VIT: variants seen among roughly 807,000 people sequenced by gnomAD.
VIT encodes the protein vitrin.
A neutral mutation model predicts 78.0 loss-of-function variants in VIT; 99 were observed. That is an observed-to-expected ratio of 1.27 (90% CI 1.08 to 1.50). VIT has a LOEUF of 1.50. Among genes scored for constraint, VIT ranks in the 40% most tolerant of loss-of-function variants. The pLI is 0.00. For synonymous variants in VIT, 374 were observed against 334.3 expected (o/e 1.12, Z -1.29); for missense variants, 1,126 against 875.3 (o/e 1.29, Z -3.61).
At chr2:36,777,527 T>C (rs1282269227) in intron 9 of VIT, among the ~76,000 whole-genome samples, 4 of 152,124 alleles carry the variant, frequency 2.6e-5, no homozygotes, top group South Asian at 4.2e-4. Flanking sequence ...TCTCTAGTCC[T>C]CAATACTCTG....
At chr2:36,783,452 G>T (rs1395000264) in intron 11 of VIT, 50 bp downstream of exon 11, 13 of 1,581,594 alleles carry the variant, frequency 8.2e-6, no homozygotes, top group Admixed American at 6.7e-5. Context: ...CATCTGAACT[G>T]CTCTCTCCTC....
intron 3 of VIT, among the ~76,000 whole-genome samples, chr2:36,735,970 A>T (rs1336533863): frequency 6.6e-6 from 1 of 152,252 alleles, no homozygotes; most frequent in African/African-American, 2.4e-5. Flanking sequence ...GAAGAAACGT[A>T]AGTTAATGAC....
intron 2 of VIT, among the ~76,000 whole-genome samples, chr2:36,728,216 C>G (rs1043810174): frequency 1.3e-5 from 2 of 152,138 alleles, no homozygotes; most frequent in African/African-American, 4.8e-5. Flanking sequence ...CAGGCGTGAG[C>G]CACCACGTCC....
intron 12 of VIT, among the ~76,000 whole-genome samples, chr2:36,799,198 T>C (rs1666133386): frequency 6.6e-6 from 1 of 152,180 alleles, no homozygotes; most frequent in South Asian, 2.1e-4. Flanking sequence ...AGAGAGCAGT[T>C]TGGAAAACAG....
chr2:36,697,567 G>A (rs1664757043), intron 1 of VIT, among the ~76,000 whole-genome samples: 1 of 152,142 alleles, frequency 6.6e-6, no homozygotes, highest in Non-Finnish European at 1.5e-5. Context: ...GCCCAACAAG[G>A]GGCTGGCATT....
At chr2:36,747,275 GGTT>G (rs1161736450) in intron 4 of VIT, among the ~76,000 whole-genome samples, 1 of 152,110 alleles carries the variant, frequency 6.6e-6, no homozygotes, top group Non-Finnish European at 1.5e-5. Flanking sequence ...GTGTATCTGT[GGTT>G]GTTTGGTGGA....
chr2:36,790,803 A>G (rs1330035665), intron 12 of VIT, among the ~76,000 whole-genome samples: 1 of 152,244 alleles, frequency 6.6e-6, no homozygotes, highest in Admixed American at 6.5e-5. Flanking sequence ...ACAAAAGGCC[A>G]AGGATCAAGC....
chr2:36,745,516 G>A (rs1026795534), intron 4 of VIT, among the ~76,000 whole-genome samples: 36 of 151,576 alleles, frequency 2.4e-4, no homozygotes, highest in African/African-American at 7.5e-4. Flanking sequence ...TCTCCTTGTG[G>A]AGATCTTTCA....
intron 1 of VIT, among the ~76,000 whole-genome samples, chr2:36,704,682 C>T (rs1309336337): frequency 6.6e-6 from 1 of 152,126 alleles, no homozygotes; most frequent in African/African-American, 2.4e-5. Context: ...CCACAGACAC[C>T]ATCCTCCACA....
At chr2:36,708,571 G>A (rs781643295) in intron 1 of VIT, among the ~76,000 whole-genome samples, 1 of 152,094 alleles carries the variant, frequency 6.6e-6, no homozygotes, top group Non-Finnish European at 1.5e-5. Context: ...CATTCTTTAG[G>A]CATGACATTC....
intron 15 of VIT, among the ~76,000 whole-genome samples, chr2:36,811,495 C>T (rs1264280147): frequency 6.6e-6 from 1 of 152,150 alleles, no homozygotes. Context: ...GAGGCAGATT[C>T]TTACTCAGCT....
intron 6 of VIT, among the ~76,000 whole-genome samples, chr2:36,763,585 T>C (rs913769969): frequency 0.2 from 257 of 1,310 alleles, 1 homozygote; most frequent in Middle Eastern, 0.5. Context: ...TATCTTCCCT[T>C]TTTTTTTTTT....
intron 1 of VIT, among the ~76,000 whole-genome samples, chr2:36,700,912 T>A (rs1053721383): frequency 1.3e-5 from 2 of 152,058 alleles, no homozygotes; most frequent in Non-Finnish European, 2.9e-5. Flanking sequence ...CACTGATAAG[T>A]TGTGTAAGTT....
chr2:36,734,436 T>C (rs1378214297), intron 3 of VIT, among the ~76,000 whole-genome samples: 1 of 152,156 alleles, frequency 6.6e-6, no homozygotes, highest in Non-Finnish European at 1.5e-5. Flanking sequence ...TCCTAGACTC[T>C]TGAGGATCTA....
At chr2:36,699,601 GAT>G (rs748268718) in intron 1 of VIT, among the ~76,000 whole-genome samples, 55 of 142,654 alleles carry the variant, frequency 3.9e-4, no homozygotes, top group African/African-American at 1.1e-3. Context: ...TATAGATATA[GAT>G]ATAGATATAG....
At chr2:36,776,186 G>C (rs10194760) in intron 9 of VIT, among the ~76,000 whole-genome samples, 1,879 of 152,280 alleles carry the variant, frequency 0.012, 34 homozygotes, top group African/African-American at 0.043. Context: ...CAGAACTTCA[G>C]CTCCTCATTA....
intron 1 of VIT, among the ~76,000 whole-genome samples, chr2:36,713,652 T>C (rs555310111): frequency 6.6e-6 from 1 of 152,296 alleles, no homozygotes; most frequent in South Asian, 2.1e-4. Context: ...CAGATGGCAT[T>C]GGTAATGCTG....
At chr2:36,765,653 C>T (rs918381161) in intron 6 of VIT, among the ~76,000 whole-genome samples, 1 of 152,042 alleles carries the variant, frequency 6.6e-6, no homozygotes, top group Non-Finnish European at 1.5e-5. Context: ...GACGACGGAG[C>T]AGAGAAACAA....
At chr2:36,783,187 T>C (rs1664874002) in intron 10 of VIT, among the ~76,000 whole-genome samples, 153 bp from the exon 11 acceptor site, 1 of 152,214 alleles carries the variant, frequency 6.6e-6, no homozygotes, top group African/African-American at 2.4e-5. Context: ...TTTATTATTT[T>C]TCTCAGGATG....
Sources: allele counts gnomAD v4.1 joint callset (sites outside exome capture counted in the v4.1 genomes callset), GRCh38; gene constraint gnomAD v4.1.1; transcripts MANE v1.5; gene names NCBI Gene and HGNC (gene_info 2026-07-23, HGNC 2026-07-21).